NEK10: variants seen among roughly 807,000 people sequenced by gnomAD.
NEK10 encodes serine/threonine-protein kinase Nek10.
Under a neutral mutation model 159.8 loss-of-function variants are expected in NEK10, and 122 were observed. The ratio of observed to expected loss-of-function variants is 0.76; its 90% confidence interval spans 0.66 to 0.89. NEK10 has a LOEUF of 0.89. Ranked by LOEUF, NEK10 falls within the 40% of genes least tolerant of loss-of-function variation. The probability of loss-of-function intolerance (pLI) is 0.00; values close to 1 mark genes in which losing one functional copy is unlikely to be tolerated. For synonymous variants in NEK10, 466 were observed against 457.1 expected, an observed-to-expected ratio of 1.02 and a Z score of -0.25; for missense variants, 1,342 against 1,323.1, an observed-to-expected ratio of 1.01 and a Z score of -0.22.
chr3:27,215,990 G>A (rs1349368938), intron 23 of NEK10: 10 of 474,964 alleles, frequency 2.1e-5, no homozygotes, highest in Middle Eastern at 5.3e-4. Context: ...TCTAACATAC[G>A]GGATTAAAAT....
intron 5 of NEK10, among the ~76,000 whole-genome samples, chr3:27,331,193 A>C (rs1267619818): frequency 1.4e-5 from 2 of 144,268 alleles, no homozygotes; most frequent in Non-Finnish European, 3.0e-5. Flanking sequence ...AGCTGAGATC[A>C]GGCCACTGCA....
intron 23 of NEK10, among the ~76,000 whole-genome samples, chr3:27,226,619 G>A (rs1463827005): frequency 1.3e-5 from 2 of 152,138 alleles, no homozygotes; most frequent in African/African-American, 4.8e-5. Context: ...AACTCATAGT[G>A]AACAGAGGCA....
At chr3:27,127,963 C>T (rs1942162307) in intron 32 of NEK10, among the ~76,000 whole-genome samples, 1 of 152,058 alleles carries the variant, frequency 6.6e-6, no homozygotes, top group Non-Finnish European at 1.5e-5. Flanking sequence ...GATTTCCTGG[C>T]TGGATTTTGC....
At chr3:27,270,117 G>A (rs2041216016) in intron 22 of NEK10, among the ~76,000 whole-genome samples, 1 of 152,168 alleles carries the variant, frequency 6.6e-6, no homozygotes, top group Non-Finnish European at 1.5e-5. Flanking sequence ...CAGAACGGAT[G>A]AGATGTTACT....
intron 5 of NEK10, among the ~76,000 whole-genome samples, chr3:27,324,885 T>G (rs1470278790): frequency 6.6e-6 from 1 of 152,162 alleles, no homozygotes; most frequent in East Asian, 1.9e-4. Flanking sequence ...TGCCCCTTGT[T>G]CACTCCCTCC....
chr3:27,173,890 C>T (rs891589780), intron 28 of NEK10, among the ~76,000 whole-genome samples: 2 of 151,856 alleles, frequency 1.3e-5, no homozygotes, highest in African/African-American at 4.8e-5. Context: ...TTTTCTTTCC[C>T]ATATCCCAGT....
chr3:27,251,801 T>C (rs1575451563), intron 23 of NEK10, among the ~76,000 whole-genome samples: 1 of 152,350 alleles, frequency 6.6e-6, no homozygotes, highest in East Asian at 1.9e-4. Flanking sequence ...TTTTATTTTG[T>C]TAAAATGTTT....
intron 5 of NEK10, among the ~76,000 whole-genome samples, chr3:27,340,725 A>G (rs568774450): frequency 3.9e-5 from 6 of 152,212 alleles, no homozygotes; most frequent in Non-Finnish European, 8.8e-5. Flanking sequence ...GGATGTGGAT[A>G]AGAGGGAACT....
At chr3:27,229,344 T>C (rs925924906) in intron 23 of NEK10, among the ~76,000 whole-genome samples, 6 of 152,000 alleles carry the variant, frequency 3.9e-5, no homozygotes, top group Non-Finnish European at 7.4e-5. Context: ...AAAGGAAAAA[T>C]AGGAACTCAT....
chr3:27,176,333 T>C (rs528815977), intron 26 of NEK10, among the ~76,000 whole-genome samples: 79 of 152,358 alleles, frequency 5.2e-4, no homozygotes, highest in African/African-American at 1.9e-3. Context: ...GTTCAAAGGC[T>C]GTTTTATGAC....
At chr3:27,219,192 G>T (rs893698133) in intron 23 of NEK10, among the ~76,000 whole-genome samples, 3 of 152,206 alleles carry the variant, frequency 2.0e-5, no homozygotes, top group African/African-American at 7.2e-5. Flanking sequence ...TTGAAATGAA[G>T]CCAATGAGGA....
chr3:27,322,765 T>G (rs1575743306), intron 5 of NEK10, among the ~76,000 whole-genome samples: 1 of 152,174 alleles, frequency 6.6e-6, no homozygotes. Context: ...CCCCCTTTCA[T>G]AGAGTACTTG....
chr3:27,366,231 T>C (rs560018275), intron 1 of NEK10, among the ~76,000 whole-genome samples: 16 of 152,286 alleles, frequency 1.1e-4, no homozygotes, highest in African/African-American at 3.6e-4. Flanking sequence ...TGCAGAAAGA[T>C]TAAGTTAACT....
chr3:27,261,731 T>C (rs1204119772), intron 22 of NEK10, among the ~76,000 whole-genome samples: 5 of 152,232 alleles, frequency 3.3e-5, no homozygotes, highest in East Asian at 1.9e-4. Context: ...TGTAGATGTC[T>C]ATTAGGTCTG....
chr3:27,281,323 G>A (rs1278392137), intron 22 of NEK10, among the ~76,000 whole-genome samples: 1 of 152,062 alleles, frequency 6.6e-6, no homozygotes, highest in African/African-American at 2.4e-5. Flanking sequence ...TAAATTTTAA[G>A]TCTCCAGATT....
intron 1 of NEK10, among the ~76,000 whole-genome samples, chr3:27,368,345 A>G (rs1419870489): frequency 6.6e-6 from 1 of 151,780 alleles, no homozygotes. Flanking sequence ...ACATATATAT[A>G]TATCAGTTCA....
At chr3:27,144,552 A>G (rs1370444948) in intron 30 of NEK10, among the ~76,000 whole-genome samples, 2 of 152,156 alleles carry the variant, frequency 1.3e-5, no homozygotes, top group Admixed American at 1.3e-4. Context: ...CTCGGTCAAC[A>G]ATATATATTA....
chr3:27,194,165 G>A (rs933830174), intron 25 of NEK10: 2 of 141,268 alleles, frequency 1.4e-5, no homozygotes, highest in Non-Finnish European at 3.0e-5. Flanking sequence ...TCGCTCTGTC[G>A]CCCAGTCTGG....
chr3:27,217,709 C>T lies in NEK10; in HGVS notation c.2091-15152G>A, dbSNP rs138170139. ...GTAAAATCACAAGAAAGAAAACAGA[C>T]CAATATCCCTTATAAATATAGACAC... is the stretch of plus-strand genomic sequence containing the variant. On this transcript the variant is annotated intron_variant, in intron 23 of 35. Coordinates refer to ENST00000691995, the MANE Select transcript of NEK10 (RefSeq NM_001394966.1). 9.3e-4 allele frequency among the ~76,000 whole-genome samples: 142 copies of T among 152,152 alleles called. 1 individual carries two copies. The East Asian group carries it at 9.5e-3, about 10-fold the overall frequency.
Sources: allele counts gnomAD v4.1 joint callset (sites outside exome capture counted in the v4.1 genomes callset), GRCh38; gene constraint gnomAD v4.1.1; transcripts MANE v1.5; gene names NCBI Gene and HGNC (gene_info 2026-07-23, HGNC 2026-07-21).